Variants in SHISA9 observed in about 807,000 individuals in gnomAD.
The protein encoded by SHISA9 is protein shisa-9.
In SHISA9, 13 loss-of-function variants were observed where a neutral mutation model predicts 38.0. The ratio of observed to expected loss-of-function variants is 0.34; its 90% confidence interval spans 0.22 to 0.54. The LOEUF is 0.54. Ranked by LOEUF, SHISA9 falls within the 20% of genes least tolerant of loss-of-function variation. SHISA9 has a pLI of 0.91. For synonymous variants in SHISA9, 275 were observed against 242.0 expected, an observed-to-expected ratio of 1.14 and a Z score of -1.27; for missense variants, 538 against 575.8, an observed-to-expected ratio of 0.93 and a Z score of 0.67.
chr16:13,126,697 A>T (rs111065641), intron 2 of SHISA9, among the ~76,000 whole-genome samples: 25,504 of 125,730 alleles, frequency 0.2, 2,529 homozygotes, highest in African/African-American at 0.29. Context: ...GGGAAGAAGA[A>T]AGTGGGAGGG....
the SHISA9 span, among the ~76,000 whole-genome samples, chr16:13,354,147 G>A: frequency 6.7e-6 from 1 of 149,548 alleles, no homozygotes; most frequent in Non-Finnish European, 1.5e-5. Context: ...GAGGGGGCCT[G>A]AAGAATCCCT....
At chr16:12,966,844 G>C (rs1011723542) in intron 2 of SHISA9, among the ~76,000 whole-genome samples, 3 of 152,244 alleles carry the variant, frequency 2.0e-5, no homozygotes, top group African/African-American at 7.2e-5. Context: ...ACTCAGATCT[G>C]TCCTGGGTGG....
chr16:13,526,465 C>T, the SHISA9 span, among the ~76,000 whole-genome samples: 1 of 152,144 alleles, frequency 6.6e-6, no homozygotes, highest in Admixed American at 6.5e-5. Flanking sequence ...CTCACTGCCA[C>T]CTCTGCCTCC....
At chr16:13,520,603 C>CAA in the SHISA9 span, among the ~76,000 whole-genome samples, 3,012 of 55,790 alleles carry the variant, frequency 0.054, 201 homozygotes, top group African/African-American at 0.14. Flanking sequence ...AACTCTGTCT[C>CAA]AAAAAAAAAA....
chr16:13,297,771 T>C, the SHISA9 span, among the ~76,000 whole-genome samples: 1 of 152,206 alleles, frequency 6.6e-6, no homozygotes, highest in African/African-American at 2.4e-5. Context: ...TCTTTCTTCT[T>C]TTGAGGCAGA....
At chr16:13,037,129 C>CAG (rs1567190871) in intron 2 of SHISA9, among the ~76,000 whole-genome samples, 25 of 147,858 alleles carry the variant, frequency 1.7e-4, no homozygotes, top group East Asian at 1.4e-3. Flanking sequence ...CACACACACA[C>CAG]ACACACACAC....
At chr16:12,943,324 T>TGAGA in intron 2 of SHISA9, among the ~76,000 whole-genome samples, 1 of 21,096 alleles carries the variant, frequency 4.7e-5, no homozygotes, top group East Asian at 1.5e-3. Context: ...TGTGTGTGTG[T>TGAGA]GTGTGTGAGA....
intron 1 of SHISA9, chr16:12,910,271 C>G (rs1191976369): frequency 1.7e-5 from 2 of 115,294 alleles, no homozygotes; most frequent in Admixed American, 2.8e-4. Context: ...ATTTGATATC[C>G]TGGTTTACCT....
chr16:13,201,460 G>A (rs2051005516), intron 2 of SHISA9, among the ~76,000 whole-genome samples: 1 of 133,996 alleles, frequency 7.5e-6, no homozygotes, highest in Non-Finnish European at 1.6e-5. Flanking sequence ...TTTTTTCTGG[G>A]TATTTTCAAT....
At chr16:13,529,735 G>A in the SHISA9 span, among the ~76,000 whole-genome samples, 35,814 of 152,088 alleles carry the variant, frequency 0.24, 4,634 homozygotes, top group East Asian at 0.53. Flanking sequence ...AACCTATAGG[G>A]CATCCTGTGT....
At chr16:13,263,964 A>G in the SHISA9 span, among the ~76,000 whole-genome samples, 1 of 152,134 alleles carries the variant, frequency 6.6e-6, no homozygotes, top group Non-Finnish European at 1.5e-5. Flanking sequence ...TTCTTTTTCA[A>G]AAAGGAGAGT....
At chr16:13,374,917 C>T in the SHISA9 span, among the ~76,000 whole-genome samples, 50 of 152,234 alleles carry the variant, frequency 3.3e-4, no homozygotes, top group Admixed American at 1.6e-3. Context: ...TGATGGCCAG[C>T]GATGATGAGC....
At chr16:13,104,180 C>T (rs2073905114) in intron 2 of SHISA9, among the ~76,000 whole-genome samples, 2 of 152,176 alleles carry the variant, frequency 1.3e-5, no homozygotes, top group South Asian at 4.1e-4. Flanking sequence ...TCCATATTCT[C>T]AGTCATGTCT....
At chr16:13,088,369 A>C (rs2073737115) in intron 2 of SHISA9, among the ~76,000 whole-genome samples, 2 of 152,270 alleles carry the variant, frequency 1.3e-5, no homozygotes, top group South Asian at 4.2e-4. Flanking sequence ...TGGTAGCTTG[A>C]TGGGGACGGC....
intron 2 of SHISA9, among the ~76,000 whole-genome samples, chr16:13,030,873 C>G (rs1174699002): frequency 6.6e-6 from 1 of 152,166 alleles, no homozygotes. Context: ...ATGGCCAAAA[C>G]GTGTGCGTCA....
chr16:12,959,819 C>G (rs961338728), intron 2 of SHISA9, among the ~76,000 whole-genome samples: 3 of 152,178 alleles, frequency 2.0e-5, no homozygotes, highest in Non-Finnish European at 2.9e-5. Context: ...CCCTGCTGCC[C>G]TCGCCTTTCA....
Position 13,122,951 on chromosome 16 carries a change from G to T in SHISA9, c.692-80443G>T, listed in dbSNP as rs1596663418. Among the ~76,000 whole-genome samples the T allele has an allele frequency of 4.6e-5, 7 of 151,830 alleles. No individual in the cohort carries two copies. In the South Asian group the frequency reaches 1.5e-3, roughly 32 times the overall value. On this transcript the variant is annotated intron_variant, in intron 2 of 4. Coordinates refer to ENST00000558583, the MANE Select transcript of SHISA9 (RefSeq NM_001145204.3). The stretch of plus-strand genomic sequence containing the variant: ...AGTTCCAGCTACCTGGGAGGCTGAG[G>T]CAGGAGAATTGCTTGAACCCGGGAA...
chr16:12,968,189 C>CAAAAAAAAAAAAAAAAAAAAA (rs200194973), intron 2 of SHISA9, among the ~76,000 whole-genome samples: 2 of 82,002 alleles, frequency 2.4e-5, no homozygotes, highest in African/African-American at 9.9e-5. Flanking sequence ...GGCTCCATCT[C>CAAAAAAAAAAAAAAAAAAAAA]AAAAAAAAAA....
At chr16:13,343,092 A>G in the SHISA9 span, among the ~76,000 whole-genome samples, 1 of 152,342 alleles carries the variant, frequency 6.6e-6, no homozygotes, top group Admixed American at 6.5e-5. Flanking sequence ...GTTGTTGTTA[A>G]TATGATTATT....
Sources: gnomAD v4.1 joint callset for allele counts (sites outside exome capture counted in the v4.1 genomes callset) on GRCh38, gnomAD v4.1.1 for gene constraint, MANE v1.5 for transcripts, NCBI Gene and HGNC (gene_info 2026-07-23, HGNC 2026-07-21) for gene names.